Variants in SLC28A2 observed in about 807,000 individuals in gnomAD.
SLC28A2 encodes sodium/nucleoside cotransporter 2.
A neutral mutation model predicts 72.9 loss-of-function variants in SLC28A2; 69 were observed. That is an observed-to-expected ratio of 0.95 (90% CI 0.78 to 1.16). The LOEUF is 1.16. Among genes scored for constraint, SLC28A2 ranks in the 50% most tolerant of loss-of-function variants. The probability of loss-of-function intolerance (pLI) is 0.00; values close to 1 mark genes in which losing one functional copy is unlikely to be tolerated. For synonymous variants in SLC28A2, 296 were observed against 294.1 expected, an observed-to-expected ratio of 1.01 and a Z score of -0.07; for missense variants, 745 against 791.1, an observed-to-expected ratio of 0.94 and a Z score of 0.70.
In SLC28A2 at chr15:45,277,664, G is replaced by A. The variant is rs1301919695; in HGVS notation, c.*2151G>A. The A allele has an allele frequency of 1.0e-5, 1 of 99,500 alleles. No homozygotes were observed. The highest frequency in any genetic ancestry group is 2.5e-5 in the Non-Finnish European group (1 of 40,736). 6.2% of individuals were successfully genotyped at this position (99,500 alleles called of 1,614,324 possible). On this transcript the variant is annotated 3_prime_UTR_variant, in exon 18 of 18. Transcript: ENST00000347644. ...GTGGTTGCCAGGGCCTGGGGAAGGA[G>A]GGATTAGAGAGTGACTCCTTAACGA...
intron 3 of SLC28A2, among the ~76,000 whole-genome samples, chr15:45,259,283 A>G (rs1194880390): frequency 6.6e-6 from 1 of 152,188 alleles, no homozygotes; most frequent in Non-Finnish European, 1.5e-5. Flanking sequence ...CAATTTATAT[A>G]TATTTTAAGC....
chr15:45,264,443 G>C lies in SLC28A2; in HGVS notation c.589-212G>C, dbSNP rs186092321. ...GTGTATAAGTGTCATCTAACCTCTA[G>C]ACACATTTTTTAAAAACCTTATGAA... On this transcript the variant is annotated intron_variant, in intron 6 of 17. Transcript: ENST00000347644. Among the ~76,000 whole-genome samples, 12 of 152,228 alleles carry C rather than the reference G, an allele frequency of 7.9e-5. No homozygotes were observed. The East Asian group carries it at 1.9e-3, about 24-fold the overall frequency.
Position 45,265,148 on chromosome 15 carries a change from G to A in SLC28A2, c.762G>A (p.Lys254=), listed in dbSNP as rs1442109814. The A allele has an allele frequency of 1.2e-6, 2 of 1,609,772 alleles. No individual in the cohort carries two copies. Among genetic ancestry groups the A allele is most frequent in the African/African-American group, 1.3e-5 (1 of 74,910 alleles). ...SSFVFGDTLV[K]DVFAFQALPI... ...TTGTCTTTGGGGATACACTGGTCAAGGATGTCTTTGCTTTTCAGGTGATAC... is the reference window on the plus strand; with the variant it reads ...TTGTCTTTGGGGATACACTGGTCAAAGATGTCTTTGCTTTTCAGGTGATAC... Residue 254 remains lysine (K), a synonymous_variant, in exon 8 of 18, where the codon AAG becomes AAA. Transcript: ENST00000347644.
chr15:45,269,721 G>A (rs764315639), intron 14 of SLC28A2, among the ~76,000 whole-genome samples, 186 bp downstream of exon 14: 8 of 152,028 alleles, frequency 5.3e-5, no homozygotes, highest in Admixed American at 1.3e-4. Flanking sequence ...AGCTATTATG[G>A]GTCTGCATGC....
rs1028349363 is a variant in SLC28A2, at chr15:45,277,181, C to G, written c.*1668C>G. 5 of 151,002 alleles carry G rather than the reference C, an allele frequency of 3.3e-5. No homozygotes were observed. The highest frequency in any genetic ancestry group is 2.6e-4 in the Admixed American group (4 of 15,108). The allele number at this position is 151,002 out of a possible 1,614,324, so 9.4% of individuals were successfully genotyped here. ...TCAATTGTGCTGAGACTCAGAAACT[C>G]TGATTCAAAATATTTTAGATATTTA... On this transcript the variant is annotated 3_prime_UTR_variant, in exon 18 of 18. Coordinates refer to ENST00000347644, the MANE Select transcript of SLC28A2 (RefSeq NM_004212.4).
intron 12 of SLC28A2, 116 bp from the exon 13 acceptor site, chr15:45,268,093 CT>C: frequency 1.6e-5 from 16 of 971,354 alleles, no homozygotes; most frequent in Non-Finnish European, 2.5e-5. Flanking sequence ...CCCCTGTCAC[CT>C]TCTACATTGG....
intron 3 of SLC28A2, among the ~76,000 whole-genome samples, chr15:45,260,314 TA>T (rs1229280457): frequency 3.3e-5 from 5 of 152,172 alleles, no homozygotes; most frequent in African/African-American, 1.2e-4. Flanking sequence ...TACATTGATG[TA>T]GTTTACATGA....
At chr15:45,271,209 T>A (rs144556016) in intron 15 of SLC28A2, among the ~76,000 whole-genome samples, 92 of 152,286 alleles carry the variant, frequency 6.0e-4, no homozygotes, top group African/African-American at 2.2e-3. Context: ...AAAGTGGAAT[T>A]GTCCTTGAGT....
At chr15:45,265,733 C>T (rs951089331) in intron 9 of SLC28A2, 70 bp downstream of exon 9, 1 of 1,043,902 alleles carries the variant, frequency 9.6e-7, no homozygotes. Context: ...TGGAAAAATG[C>T]CCATAGCTAA....
chr15:45,269,652 C>T, intron 14 of SLC28A2, 117 bp downstream of exon 14: 1 of 822,992 alleles, frequency 1.2e-6, no homozygotes, highest in South Asian at 1.6e-5. Flanking sequence ...TCTGGGGTCG[C>T]AGGCCTAACT....
intron 3 of SLC28A2, among the ~76,000 whole-genome samples, chr15:45,256,351 A>C (rs984467422): frequency 4.0e-5 from 6 of 151,492 alleles, no homozygotes; most frequent in Non-Finnish European, 7.4e-5. Flanking sequence ...GCATTTCTTT[A>C]AATTTTTGTA....
At position 45,272,727 on chromosome 15, in the gene SLC28A2, C is replaced by G. The variant is rs754699864; in HGVS notation, c.1802C>G (p.Thr601Arg). 5.0e-6 allele frequency: 8 copies of G among 1,613,348 alleles called. No homozygotes were observed. The South Asian group carries it at 8.8e-5, about 18-fold the overall frequency. ...GCTGACTGTGTCTCCTTCCCAAACA[C>G]AAGTTTCACCAATAGAACCTATGAG... ...AEADCVSFPN[T>R]SFTNRTYETY... The change falls in exon 17 of 18, where the codon ACA (threonine) becomes AGA (arginine). Residue 601 changes from threonine (T) to arginine (R), a missense_variant. Coordinates refer to ENST00000347644, the MANE Select transcript of SLC28A2 (RefSeq NM_004212.4).
chr15:45,268,180 C>G (rs779289157), intron 12 of SLC28A2, 30 bp from the exon 13 acceptor site: 13 of 1,581,224 alleles, frequency 8.2e-6, no homozygotes, highest in Middle Eastern at 1.7e-4. Context: ...TGTAGACACC[C>G]TACTCTTGCC....
intron 3 of SLC28A2, among the ~76,000 whole-genome samples, chr15:45,257,334 A>G (rs1900007421): frequency 6.6e-6 from 1 of 152,158 alleles, no homozygotes; most frequent in Non-Finnish European, 1.5e-5. Flanking sequence ...TAACACTTTA[A>G]GCTTTTGACA....
chr15:45,261,829 C>G (rs970454542), intron 3 of SLC28A2, among the ~76,000 whole-genome samples, 186 bp from the exon 4 acceptor site: 1 of 152,176 alleles, frequency 6.6e-6, no homozygotes, highest in Non-Finnish European at 1.5e-5. Flanking sequence ...CTGCTGCCCA[C>G]CAGCAAGGTT....
At chr15:45,271,056 T>C (rs1217792171) in intron 15 of SLC28A2, among the ~76,000 whole-genome samples, 1 of 152,124 alleles carries the variant, frequency 6.6e-6, no homozygotes, top group Non-Finnish European at 1.5e-5. Flanking sequence ...AGATAGACAG[T>C]AAGAGAGAGT....
At chr15:45,266,370 A>G (rs979457568) in intron 10 of SLC28A2, among the ~76,000 whole-genome samples, 4 of 152,174 alleles carry the variant, frequency 2.6e-5, no homozygotes, top group African/African-American at 9.7e-5. Flanking sequence ...GTAATACTTA[A>G]TCTGGAGGGA....
chr15:45,254,439 A>T (rs1899910063), intron 3 of SLC28A2, among the ~76,000 whole-genome samples: 1 of 152,232 alleles, frequency 6.6e-6, no homozygotes, highest in Non-Finnish European at 1.5e-5. Flanking sequence ...AGATACACAA[A>T]TACTTACCAT....
intron 13 of SLC28A2, among the ~76,000 whole-genome samples, chr15:45,268,778 C>A (rs965977725): frequency 6.6e-6 from 1 of 152,008 alleles, no homozygotes; most frequent in Non-Finnish European, 1.5e-5. Context: ...AAATGTCCAA[C>A]AATGATAGAC....
Sources: allele counts gnomAD v4.1 joint callset (sites outside exome capture counted in the v4.1 genomes callset), GRCh38; gene constraint gnomAD v4.1.1; transcripts MANE v1.5; gene names NCBI Gene and HGNC (gene_info 2026-07-23, HGNC 2026-07-21).